Variants in ADAD1 observed in about 807,000 individuals in gnomAD.
The protein encoded by ADAD1 is adenosine deaminase domain-containing protein 1.
A neutral mutation model predicts 66.8 loss-of-function variants in ADAD1; 46 were observed. The observed-to-expected ratio is 0.69, with a 90% CI of 0.54 to 0.88. The LOEUF is 0.88. Among genes scored for constraint, ADAD1 ranks in the 40% least tolerant of loss-of-function variants. ADAD1 has a pLI of 0.00. For synonymous variants in ADAD1, 248 were observed against 229.4 expected (o/e 1.08, Z -0.73); for missense variants, 617 against 681.8 (o/e 0.91, Z 1.06).
intron 7 of ADAD1, among the ~76,000 whole-genome samples, chr4:122,397,805 A>G (rs1795786300): frequency 6.6e-6 from 1 of 152,234 alleles, no homozygotes; most frequent in Non-Finnish European, 1.5e-5. Context: ...CCTCATCCAT[A>G]GGGAATCTAG....
In ADAD1 at chr4:122,412,819, A is replaced by T; in HGVS notation, c.1249+10A>T. ...AGCAGTATACTTATTGGTGAGTGGG[A>T]TTTCAGAACCTCCTGGGCCTCTCAC... On this transcript the variant is annotated intron_variant, in intron 10 of 12. Transcript: ENST00000296513. 1 of 1,608,220 alleles carries T rather than the reference A, an allele frequency of 6.2e-7. No homozygotes were observed. The highest frequency in any genetic ancestry group is 8.5e-7 in the Non-Finnish European group (1 of 1,175,236).
chr4:122,425,270 C>T (rs1797178669), intron 12 of ADAD1, among the ~76,000 whole-genome samples: 1 of 152,050 alleles, frequency 6.6e-6, no homozygotes, highest in South Asian at 2.1e-4. Context: ...CCACATGGAG[C>T]ATTCTTCAGC....
chr4:122,410,821 T>C (rs1796433897), intron 8 of ADAD1, among the ~76,000 whole-genome samples: 1 of 152,102 alleles, frequency 6.6e-6, no homozygotes, highest in Non-Finnish European at 1.5e-5. Context: ...TTTGTAGTAG[T>C]TTGTTTGGGT....
chr4:122,427,396 A>G (rs1797293358), intron 12 of ADAD1, among the ~76,000 whole-genome samples: 1 of 152,196 alleles, frequency 6.6e-6, no homozygotes, highest in South Asian at 2.1e-4. Flanking sequence ...TGCATTGGAA[A>G]ACAGTATTGT....
At position 122,380,241 on chromosome 4, in the gene ADAD1, G is replaced by A. The variant is rs201000111; in HGVS notation, c.172G>A (p.Gly58Ser). Reference sequence around the variant, plus strand: ...GGCATCCAAGGTTACGCAAGTAACGGGTACGACTTTTTTCATTTGTAACAA... The same window carrying A: ...GGCATCCAAGGTTACGCAAGTAACGAGTACGACTTTTTTCATTTGTAACAA... The part of the protein sequence containing the change: ...KMASKVTQVT[G>S]NFPEPLLSKN... The change falls in exon 3 of 13, where the codon GGT becomes AGT. Residue 58 changes from glycine to serine, a missense_variant and splice_region_variant. Physicochemically the swap from Gly to Ser is moderately conservative, Grantham distance 56. Coordinates refer to ENST00000296513, the MANE Select transcript of ADAD1 (RefSeq NM_139243.4). 25 of 1,601,694 alleles carry A rather than the reference G, an allele frequency of 1.6e-5. No homozygotes were observed. Among genetic ancestry groups the A allele is most frequent in the Non-Finnish European group, 1.9e-5 (22 of 1,176,158 alleles).
In ADAD1 at chr4:122,420,351, C is replaced by T. The variant is rs1472401965; in HGVS notation, c.1488-910C>T. On this transcript the variant is annotated intron_variant, in intron 11 of 12. Transcript: ENST00000296513. ...ACATCTGGGGTCAACTGTTGGTCAA[C>T]TAAAGGTCAGGTGAGCTGATCTTAG... Among the ~76,000 whole-genome samples the T allele has an allele frequency of 5.3e-5, 8 of 152,290 alleles. No individual in the cohort carries two copies. In the South Asian group the frequency reaches 6.2e-4, roughly 12 times the overall value.
chr4:122,427,622 C>A lies in ADAD1; in HGVS notation c.1618-2004C>A, dbSNP rs59323043. On this transcript the variant is annotated intron_variant, in intron 12 of 12. Transcript: ENST00000296513. ...TGATCTCGGCTCACTGCAACCTCTG[C>A]CTTCTGGGTTCAAGTGATTCTCCTG... 7.2e-3 allele frequency among the ~76,000 whole-genome samples: 996 copies of A among 137,512 alleles called. 9 individuals carry two copies. Among genetic ancestry groups the A allele is most frequent in the African/African-American group, 0.026 (961 of 37,214 alleles). The allele number at this position is 137,512 out of a possible 152,430, so 90.2% of individuals were successfully genotyped here. A position where few individuals can be genotyped will look rare whatever the true frequency, so the allele number is the denominator to read the frequency against.
At chr4:122,429,188 C>T (rs1267190270) in intron 12 of ADAD1, among the ~76,000 whole-genome samples, 1 of 151,222 alleles carries the variant, frequency 6.6e-6, no homozygotes, top group Non-Finnish European at 1.5e-5. Context: ...CTGGCCAGAG[C>T]TTTGGGAGGC....
chr4:122,402,077 A>G (rs1450809895), intron 7 of ADAD1, among the ~76,000 whole-genome samples: 1 of 150,720 alleles, frequency 6.6e-6, no homozygotes, highest in African/African-American at 2.4e-5. Context: ...TAATTGTGTT[A>G]TTGTTTTATA....
At chr4:122,412,878 G>T in intron 10 of ADAD1, 69 bp downstream of exon 10, 1 of 1,334,374 alleles carries the variant, frequency 7.5e-7, no homozygotes. Flanking sequence ...TTACTTATCA[G>T]TATAAAATTA....
At chr4:122,419,652 A>G (rs1031961544) in intron 11 of ADAD1, among the ~76,000 whole-genome samples, 3 of 152,230 alleles carry the variant, frequency 2.0e-5, no homozygotes, top group Non-Finnish European at 2.9e-5. Context: ...GCACATTACA[A>G]TAATATGTTT....
intron 5 of ADAD1, 138 bp from the exon 6 acceptor site, chr4:122,393,451 A>G: frequency 1.9e-6 from 1 of 539,694 alleles, no homozygotes; most frequent in Non-Finnish European, 3.2e-6. Flanking sequence ...TGAGCTAATG[A>G]GTATTTGATG....
intron 7 of ADAD1, 126 bp from the exon 8 acceptor site, chr4:122,407,782 A>T: frequency 9.4e-7 from 1 of 1,067,018 alleles, no homozygotes; most frequent in Non-Finnish European, 1.3e-6. Context: ...TAAATTGTGG[A>T]ATTATTTTTT....
intron 5 of ADAD1, among the ~76,000 whole-genome samples, chr4:122,388,167 A>T (rs1490389590): frequency 1.3e-5 from 2 of 152,190 alleles, no homozygotes; most frequent in Non-Finnish European, 2.9e-5. Flanking sequence ...GATGGATTAC[A>T]TTTATTGATT....
chr4:122,389,340 C>T (rs1331235876), intron 5 of ADAD1, among the ~76,000 whole-genome samples: 1 of 152,200 alleles, frequency 6.6e-6, no homozygotes, highest in African/African-American at 2.4e-5. Flanking sequence ...ATTCTGTTGA[C>T]TTGGGGTGGA....
At chr4:122,425,679 T>A (rs1013257773) in intron 12 of ADAD1, among the ~76,000 whole-genome samples, 3 of 151,784 alleles carry the variant, frequency 2.0e-5, no homozygotes, top group African/African-American at 7.3e-5. Context: ...TGAATTTATA[T>A]TGTATTAGGT....
intron 12 of ADAD1, among the ~76,000 whole-genome samples, chr4:122,424,007 T>A (rs7699809): frequency 0.25 from 37,811 of 152,138 alleles, 5,705 homozygotes; most frequent in Middle Eastern, 0.51. Flanking sequence ...GTGAATTATA[T>A]CTTAACAAAG....
intron 12 of ADAD1, among the ~76,000 whole-genome samples, chr4:122,425,791 A>T (rs1295740277): frequency 1.3e-5 from 2 of 152,022 alleles, no homozygotes; most frequent in Non-Finnish European, 2.9e-5. Context: ...GCATCTGCAG[A>T]TTTCGGTATT....
intron 5 of ADAD1, among the ~76,000 whole-genome samples, chr4:122,391,020 T>A (rs1440308915): frequency 6.6e-6 from 1 of 152,246 alleles, no homozygotes; most frequent in Admixed American, 6.5e-5. Flanking sequence ...TTGAGCCTGC[T>A]GACCCTTGGA....
Sources: gnomAD v4.1 joint callset for allele counts (sites outside exome capture counted in the v4.1 genomes callset) on GRCh38, gnomAD v4.1.1 for gene constraint, MANE v1.5 for transcripts, NCBI Gene and HGNC (gene_info 2026-07-23, HGNC 2026-07-21) for gene names.